The following SORCS1 variants were observed in gnomAD, a reference collection of about 807,000 sequenced individuals.
SORCS1 encodes the protein sortilin related VPS10 domain containing receptor 1.
Under a neutral mutation model 146.1 loss-of-function variants are expected in SORCS1, and 60 were observed. The observed-to-expected ratio is 0.41, with a 90% confidence interval of 0.33 to 0.51. The LOEUF is 0.51. Ranked by LOEUF, SORCS1 falls within the 20% of genes least tolerant of loss-of-function variation. SORCS1 has a pLI of 0.21. For missense variants in SORCS1, 1,352 were observed against 1,487.6 expected, an observed-to-expected ratio of 0.91 and a Z score of 1.50; for synonymous variants, 637 against 584.0, an observed-to-expected ratio of 1.09 and a Z score of -1.31.
intron 1 of SORCS1, among the ~76,000 whole-genome samples, chr10:106,975,237 C>G (rs866304034): frequency 2.6e-5 from 4 of 152,196 alleles, no homozygotes; most frequent in African/African-American, 9.7e-5. Context: ...TGAGAACAAA[C>G]TTCCAGTTTC....
chr10:106,780,550 T>C lies in SORCS1; in HGVS notation c.727-3858A>G, dbSNP rs927822511. On this transcript the variant is annotated intron_variant, in intron 3 of 25. Transcript: ENST00000263054. ...AGGTCCACATACTGTTGTAAATGAA[T>C]AAAGGAATGAATAAATGAATGAGTC... Among the ~76,000 whole-genome samples the C allele has an allele frequency of 5.3e-5, 8 of 152,276 alleles. No individual in the cohort carries two copies. The South Asian group carries it at 1.5e-3, about 28-fold the overall frequency.
At chr10:106,800,903 G>A (rs1378035326) in intron 3 of SORCS1, among the ~76,000 whole-genome samples, 1 of 152,068 alleles carries the variant, frequency 6.6e-6, no homozygotes, top group East Asian at 1.9e-4. Context: ...GCTGGATTAG[G>A]TGACCTTCCT....
intron 2 of SORCS1, among the ~76,000 whole-genome samples, chr10:106,923,788 G>A (rs780426712): frequency 5.9e-5 from 9 of 152,212 alleles, no homozygotes; most frequent in South Asian, 2.1e-4. Flanking sequence ...TCTTTTGCCC[G>A]TTTTTGTTTG....
chr10:107,064,561 A>G (rs1355353383), intron 1 of SORCS1, among the ~76,000 whole-genome samples: 1 of 152,182 alleles, frequency 6.6e-6, no homozygotes, highest in Non-Finnish European at 1.5e-5. Context: ...GCAATCTTGT[A>G]TACTGACCTG....
At chr10:106,794,103 G>A (rs1006502843) in intron 3 of SORCS1, among the ~76,000 whole-genome samples, 1 of 152,096 alleles carries the variant, frequency 6.6e-6, no homozygotes, top group Non-Finnish European at 1.5e-5. Flanking sequence ...CAGCACCCGA[G>A]TTCTATTTGA....
chr10:106,864,010 G>A (rs897951828), intron 2 of SORCS1, among the ~76,000 whole-genome samples: 35 of 152,086 alleles, frequency 2.3e-4, no homozygotes, highest in Admixed American at 2.2e-3. Context: ...GCTGGAAAAT[G>A]TTCACCCAAA....
chr10:106,876,105 T>C (rs1325126112), intron 2 of SORCS1, among the ~76,000 whole-genome samples: 1 of 152,220 alleles, frequency 6.6e-6, no homozygotes, highest in East Asian at 1.9e-4. Context: ...TTCTTCAGCA[T>C]AATTCTGATT....
chr10:106,726,359 CAAAAAAAAAAAAAAAA>C (rs60801871), intron 6 of SORCS1, among the ~76,000 whole-genome samples: 3 of 43,582 alleles, frequency 6.9e-5, no homozygotes, highest in African/African-American at 2.9e-4. Context: ...GCTGCCTTCG[CAAAAAAAAAAAAAAAA>C]AAAAAAAAAA....
chr10:106,619,889 G>C (rs1029415327), intron 20 of SORCS1, among the ~76,000 whole-genome samples: 1 of 152,208 alleles, frequency 6.6e-6, no homozygotes, highest in Non-Finnish European at 1.5e-5. Flanking sequence ...AAATAAATAA[G>C]AGTTTTGATT....
In SORCS1 at chr10:107,034,680, C is replaced by CAAAAAAAA. The variant is rs553032484; in HGVS notation, c.559-78108_559-78101dup. ...GGGAAACATGAGCGAAACTCCATCT[C>CAAAAAAAA]AAAAAAAAAAAAAAAAAAAAAAAAA... On this transcript the variant is annotated intron_variant, in intron 1 of 25. Transcript: ENST00000263054. Among the ~76,000 whole-genome samples the CAAAAAAAA allele has an allele frequency of 1.2e-3, 16 of 13,794 alleles. 2 individuals are homozygous for CAAAAAAAA. The highest frequency in any genetic ancestry group is 1.9e-3 in the African/African-American group (7 of 3,718). The allele number at this position is 13,794 out of a possible 152,430, so 9.0% of individuals were successfully genotyped here.
intron 1 of SORCS1, among the ~76,000 whole-genome samples, chr10:107,142,898 A>G (rs1967960285): frequency 6.6e-6 from 1 of 152,242 alleles, no homozygotes; most frequent in East Asian, 1.9e-4. Flanking sequence ...GCCAAGACCA[A>G]CGTGTCCTGA....
chr10:107,142,070 A>T (rs543467247), intron 1 of SORCS1, among the ~76,000 whole-genome samples: 4 of 152,328 alleles, frequency 2.6e-5, no homozygotes, highest in African/African-American at 7.2e-5. Context: ...CAAGCAATTT[A>T]ATCACTTTAA....
chr10:107,092,598 C>T (rs375637833), intron 1 of SORCS1, among the ~76,000 whole-genome samples: 116 of 152,256 alleles, frequency 7.6e-4, no homozygotes, highest in African/African-American at 2.6e-3. Context: ...ACTGAGCTCC[C>T]ATTCAGGAAT....
intron 1 of SORCS1, among the ~76,000 whole-genome samples, chr10:107,132,087 G>A (rs1966895429): frequency 6.6e-6 from 1 of 152,060 alleles, no homozygotes; most frequent in Admixed American, 6.6e-5. Flanking sequence ...ATTCTCTTTT[G>A]CCTAGCATTT....
Position 106,671,024 on chromosome 10 carries a change from C to T in SORCS1, c.2189+213G>A, listed in dbSNP as rs185251582. On this transcript the variant is annotated intron_variant, in intron 16 of 25. Transcript: ENST00000263054. The stretch of plus-strand genomic sequence containing the variant: ...TGCCGGTAATGAAGATAATTACCAG[C>T]CATCTTCCGAGTCCTCTTTCAGTCT... Among the ~76,000 whole-genome samples the T allele has an allele frequency of 3.3e-3, 499 of 152,232 alleles. 3 individuals are homozygous for T. The highest frequency in any genetic ancestry group is 2.7e-3 in the Non-Finnish European group (182 of 68,018).
At chr10:107,065,467 C>CTTTCTTTCTTTT (rs1961713064) in intron 1 of SORCS1, among the ~76,000 whole-genome samples, 10 of 26,692 alleles carry the variant, frequency 3.7e-4, no homozygotes, top group African/African-American at 7.3e-4. Context: ...TTTCTCTCTC[C>CTTTCTTTCTTTT]CTCTCCTCTC....
At chr10:107,076,570 T>C (rs1294790902) in intron 1 of SORCS1, among the ~76,000 whole-genome samples, 1 of 152,188 alleles carries the variant, frequency 6.6e-6, no homozygotes, top group African/African-American at 2.4e-5. Context: ...TAATTACTCA[T>C]ATATGAAAGC....
rs191714292 is a variant in SORCS1 at position 106,890,645 on chromosome 10, C to A, written c.627-60972G>T. On this transcript the variant is annotated intron_variant, in intron 2 of 25. Transcript: ENST00000263054. Reference sequence around the variant, plus strand: ...TAGGGGAGAATGCTGAATAGAAACACAAGGGACTCGTCTCAATTCTTAAGT... The same window carrying A: ...TAGGGGAGAATGCTGAATAGAAACAAAAGGGACTCGTCTCAATTCTTAAGT... Among the ~76,000 whole-genome samples, 479 of 152,238 alleles carry A rather than the reference C, an allele frequency of 3.1e-3. 3 individuals carry two copies. The highest frequency in any genetic ancestry group is 0.011 in the African/African-American group (449 of 41,530).
At chr10:107,106,381 T>C (rs778662604) in intron 1 of SORCS1, among the ~76,000 whole-genome samples, 7 of 152,240 alleles carry the variant, frequency 4.6e-5, no homozygotes, top group Non-Finnish European at 8.8e-5. Flanking sequence ...TAAATGTTTG[T>C]TAAATAGATG....
Sources: allele counts gnomAD v4.1 joint callset (sites outside exome capture counted in the v4.1 genomes callset), GRCh38; gene constraint gnomAD v4.1.1; transcripts MANE v1.5; gene names NCBI Gene and HGNC (gene_info 2026-07-23, HGNC 2026-07-21).